The following REPS1 variants were observed in gnomAD, a reference collection of about 807,000 sequenced individuals.
REPS1 encodes the protein RALBP1 associated Eps domain containing 1.
A neutral mutation model predicts 100.9 loss-of-function variants in REPS1; 39 were observed. The ratio of observed to expected loss-of-function variants is 0.39; its 90% CI spans 0.30 to 0.50. The LOEUF is 0.50. REPS1 is among the 20% of genes least tolerant of loss of function. REPS1 has a pLI of 0.86. For synonymous variants in REPS1, 324 were observed against 340.3 expected, an observed-to-expected ratio of 0.95 and a Z score of 0.53; for missense variants, 821 against 968.5, an observed-to-expected ratio of 0.85 and a Z score of 2.02.
intron 1 of REPS1, among the ~76,000 whole-genome samples, chr6:138,948,630 A>G (rs1407140820): frequency 6.6e-6 from 1 of 152,252 alleles, no homozygotes; most frequent in East Asian, 1.9e-4. Flanking sequence ...TTACAAAATC[A>G]TAACTCTAAA....
intron 10 of REPS1, among the ~76,000 whole-genome samples, chr6:138,921,489 C>CA (rs1390251454): frequency 6.9e-6 from 1 of 144,100 alleles, no homozygotes; most frequent in Non-Finnish European, 1.5e-5. Context: ...CCTGTCTCTT[C>CA]AAAAAATATA....
intron 14 of REPS1, 35 bp downstream of exon 14, chr6:138,915,823 A>C: frequency 7.3e-7 from 1 of 1,372,482 alleles, no homozygotes; most frequent in Non-Finnish European, 1.0e-6. Flanking sequence ...TTTAAAATTA[A>C]ATGATAATGT....
intron 1 of REPS1, among the ~76,000 whole-genome samples, chr6:138,978,557 G>A (rs1466363379): frequency 4.0e-5 from 6 of 151,684 alleles, no homozygotes; most frequent in South Asian, 2.1e-4. Flanking sequence ...TGATCTGCCC[G>A]CCTCAACCTC....
At chr6:138,949,619 G>A (rs997932765) in intron 1 of REPS1, among the ~76,000 whole-genome samples, 2 of 151,968 alleles carry the variant, frequency 1.3e-5, no homozygotes, top group African/African-American at 2.4e-5. Flanking sequence ...CTAAGTACTC[G>A]GGGGGCTGAG....
At chr6:138,969,535 T>C (rs1313469490) in intron 1 of REPS1, among the ~76,000 whole-genome samples, 1 of 150,920 alleles carries the variant, frequency 6.6e-6, no homozygotes, top group Non-Finnish European at 1.5e-5. Context: ...GTGATCCATC[T>C]GCCTCGGCCT....
chr6:138,956,574 C>A (rs1017989392), intron 1 of REPS1, among the ~76,000 whole-genome samples: 1 of 152,190 alleles, frequency 6.6e-6, no homozygotes. Context: ...GTAAGTCTTT[C>A]TAGAACTTAC....
chr6:138,981,455 T>G (rs1784945960), intron 1 of REPS1, among the ~76,000 whole-genome samples: 1 of 152,152 alleles, frequency 6.6e-6, no homozygotes, highest in South Asian at 2.1e-4. Flanking sequence ...ACATCAGAAA[T>G]GACAAGTCTT....
chr6:138,904,104 G>C lies in REPS1; in HGVS notation c.*960C>G, dbSNP rs576328867. 1.6e-4 allele frequency: 24 copies of C among 152,224 alleles called. No individual in the cohort carries two copies. The highest frequency in any genetic ancestry group is 5.3e-4 in the African/African-American group (22 of 41,548). 9.4% of individuals were successfully genotyped at this position (152,224 alleles called of 1,614,324 possible). A position where few individuals can be genotyped will look rare whatever the true frequency, so the allele number is the denominator to read the frequency against. On this transcript the variant is annotated 3_prime_UTR_variant, in exon 20 of 20. Coordinates refer to ENST00000450536, the MANE Select transcript of REPS1 (RefSeq NM_001286611.2). ...GCAGTTTAAAATCTATGATCCTATA[G>C]ACAGAATAAATCTTAAAGGGAATAT... is the stretch of plus-strand genomic sequence containing the variant.
At chr6:138,926,200 T>C (rs532166218) in intron 10 of REPS1, among the ~76,000 whole-genome samples, 1 of 152,250 alleles carries the variant, frequency 6.6e-6, no homozygotes, top group African/African-American at 2.4e-5. Flanking sequence ...AAAAACGTAG[T>C]TTTCTCTCAA....
At chr6:138,971,538 GC>G (rs1784347415) in intron 1 of REPS1, among the ~76,000 whole-genome samples, 1 of 151,868 alleles carries the variant, frequency 6.6e-6, no homozygotes, top group Non-Finnish European at 1.5e-5. Context: ...TTCTTTAGTT[GC>G]CAATAAATTA....
At chr6:138,907,638 C>T in intron 18 of REPS1, 38 bp from the exon 19 acceptor site, 3 of 1,234,004 alleles carry the variant, frequency 2.4e-6, no homozygotes, top group East Asian at 2.3e-5. Context: ...CCATAACCTT[C>T]ATTTCTTATC....
chr6:138,920,334 G>C lies in REPS1; in HGVS notation c.1427-18C>G, dbSNP rs774724327. ...TGTATGATCTAATAGAGAATTAATA[G>C]GTAAAAATACAAGACATAGGTATTT... On this transcript the variant is annotated intron_variant, in intron 11 of 19. Transcript: ENST00000450536. The C allele has an allele frequency of 7.5e-7, 1 of 1,336,278 alleles. No homozygotes were observed. The highest frequency in any genetic ancestry group is 1.7e-5 in the Admixed American group (1 of 59,180). 82.8% of individuals were successfully genotyped at this position (1,336,278 alleles called of 1,614,324 possible). A position where few individuals can be genotyped will look rare whatever the true frequency, so the allele number is the denominator to read the frequency against.
At chr6:138,943,688 A>G (rs573388509) in intron 6 of REPS1, 112 bp from the exon 7 acceptor site, 53 of 997,734 alleles carry the variant, frequency 5.3e-5, no homozygotes, top group Admixed American at 8.5e-5. Flanking sequence ...TAATATGTGA[A>G]TATGTCATGT....
chr6:138,975,521 G>A (rs1343257189), intron 1 of REPS1, among the ~76,000 whole-genome samples: 1 of 152,190 alleles, frequency 6.6e-6, no homozygotes, highest in Non-Finnish European at 1.5e-5. Flanking sequence ...AGCAGAGCTT[G>A]AGTGAGTGAA....
chr6:138,980,347 C>T (rs1031648665), intron 1 of REPS1, among the ~76,000 whole-genome samples: 17 of 152,156 alleles, frequency 1.1e-4, no homozygotes, highest in African/African-American at 4.1e-4. Context: ...TCAGATGATG[C>T]TACACCCCCG....
intron 13 of REPS1, 101 bp downstream of exon 13, chr6:138,917,454 C>A: frequency 2.2e-6 from 2 of 896,268 alleles, no homozygotes; most frequent in South Asian, 3.1e-5. Flanking sequence ...AACCTAACAG[C>A]TTTCAGAGAA....
chr6:138,921,567 C>CTTTTTT (rs755518526), intron 10 of REPS1, among the ~76,000 whole-genome samples: 1 of 57,644 alleles, frequency 1.7e-5, no homozygotes, highest in Non-Finnish European at 3.1e-5. Flanking sequence ...TAGGAGGATC[C>CTTTTTT]TTTTTTTTTT....
intron 10 of REPS1, among the ~76,000 whole-genome samples, chr6:138,924,989 ATC>A (rs1176546303): frequency 2.6e-5 from 4 of 152,208 alleles, no homozygotes; most frequent in African/African-American, 9.6e-5. Flanking sequence ...ATTGTACATT[ATC>A]TGTTTGAATT....
At chr6:138,925,112 G>A (rs779015497) in intron 10 of REPS1, among the ~76,000 whole-genome samples, 6 of 152,012 alleles carry the variant, frequency 3.9e-5, no homozygotes, top group Non-Finnish European at 7.4e-5. Context: ...TTGGGAGGCC[G>A]AGGTGGGTGG....
Sources: gnomAD v4.1 joint callset for allele counts (sites outside exome capture counted in the v4.1 genomes callset) on GRCh38, gnomAD v4.1.1 for gene constraint, MANE v1.5 for transcripts, NCBI Gene and HGNC (gene_info 2026-07-23, HGNC 2026-07-21) for gene names.